PDE4D: variants seen among roughly 807,000 people sequenced by gnomAD.
The protein encoded by PDE4D is 3',5'-cyclic-AMP phosphodiesterase 4D.
A neutral mutation model predicts 87.4 loss-of-function variants in PDE4D; 24 were observed. The observed-to-expected ratio is 0.27, with a 90% confidence interval of 0.20 to 0.39. The LOEUF is 0.39. PDE4D is among the 10% of genes least tolerant of loss of function. PDE4D has a pLI of 1.00. For synonymous variants in PDE4D, 384 were observed against 383.2 expected (o/e 1.00, Z -0.02); for missense variants, 714 against 1,041.0 (o/e 0.69, Z 4.32).
chr5:59,452,617 C>G (rs754922003), intron 1 of PDE4D, among the ~76,000 whole-genome samples: 1 of 152,158 alleles, frequency 6.6e-6, no homozygotes, highest in Non-Finnish European at 1.5e-5. Flanking sequence ...TCTCTTTCTG[C>G]CTCTCCCCAA....
intron 2 of PDE4D, among the ~76,000 whole-genome samples, chr5:60,050,906 G>A (rs1770059350): frequency 6.6e-6 from 1 of 152,094 alleles, no homozygotes; most frequent in South Asian, 2.1e-4. Context: ...TGATAAAACA[G>A]ACTTTAAACC....
chr5:59,484,559 A>G (rs1804784827), intron 1 of PDE4D, among the ~76,000 whole-genome samples: 2 of 152,318 alleles, frequency 1.3e-5, no homozygotes, highest in Non-Finnish European at 2.9e-5. Context: ...TCTAGAACAA[A>G]CAAATGAAGC....
chr5:59,065,360 G>C (rs1763776448), intron 5 of PDE4D, among the ~76,000 whole-genome samples: 1 of 152,042 alleles, frequency 6.6e-6, no homozygotes. Flanking sequence ...GTGGTCAAGG[G>C]TTACAAAGTT....
At chr5:60,187,589 TA>T (rs1237391446) in intron 1 of PDE4D, among the ~76,000 whole-genome samples, 1 of 152,218 alleles carries the variant, frequency 6.6e-6, no homozygotes, top group Non-Finnish European at 1.5e-5. Flanking sequence ...TTTGACCTGA[TA>T]AGCTTTGCTG....
intron 1 of PDE4D, among the ~76,000 whole-genome samples, chr5:59,324,810 A>G (rs945185376): frequency 3.3e-5 from 5 of 152,136 alleles, no homozygotes; most frequent in African/African-American, 1.2e-4. Flanking sequence ...TACAGCTGCA[A>G]GCATTCTCAC....
intron 5 of PDE4D, among the ~76,000 whole-genome samples, chr5:59,066,084 AACC>A (rs1763878507): frequency 6.6e-6 from 1 of 152,186 alleles, no homozygotes; most frequent in African/African-American, 2.4e-5. Context: ...ACTAAAAGAA[AACC>A]TATCAATTCA....
At chr5:60,393,119 A>G (rs1762662909) in intron 1 of PDE4D, among the ~76,000 whole-genome samples, 1 of 152,214 alleles carries the variant, frequency 6.6e-6, no homozygotes, top group Non-Finnish European at 1.5e-5. Flanking sequence ...GGGTCAGTCA[A>G]TGACACACCA....
At chr5:59,752,781 C>T (rs533993900) in intron 1 of PDE4D, among the ~76,000 whole-genome samples, 17 of 152,116 alleles carry the variant, frequency 1.1e-4, no homozygotes, top group Non-Finnish European at 2.4e-4. Context: ...TTGAGCAACC[C>T]TGCTCTAGAT....
At chr5:59,419,258 A>G (rs1471384014) in intron 1 of PDE4D, among the ~76,000 whole-genome samples, 1 of 152,070 alleles carries the variant, frequency 6.6e-6, no homozygotes, top group Non-Finnish European at 1.5e-5. Context: ...TGTAGTTATA[A>G]TTTATTTTTC....
chr5:59,542,925 C>T (rs1816622536), intron 1 of PDE4D, among the ~76,000 whole-genome samples: 1 of 152,258 alleles, frequency 6.6e-6, no homozygotes, highest in East Asian at 1.9e-4. Flanking sequence ...CAAGCCGCCT[C>T]CAAAACAGTA....
chr5:59,157,335 G>T (rs145326116), intron 5 of PDE4D: 1 of 702,548 alleles, frequency 1.4e-6, no homozygotes, highest in South Asian at 1.5e-5. Context: ...GTCAAGTAAC[G>T]TATATGGGTT....
At chr5:59,538,464 T>C (rs962482543) in intron 1 of PDE4D, among the ~76,000 whole-genome samples, 10 of 151,874 alleles carry the variant, frequency 6.6e-5, no homozygotes, top group African/African-American at 2.4e-4. Flanking sequence ...CTTCTAGTTG[T>C]CCCAAGTGTC....
intron 2 of PDE4D, among the ~76,000 whole-genome samples, chr5:60,183,215 C>A (rs1439675119): frequency 6.6e-6 from 1 of 152,132 alleles, no homozygotes; most frequent in Non-Finnish European, 1.5e-5. Flanking sequence ...TCCCAGCCTG[C>A]AGAATTGTGA....
intron 2 of PDE4D, among the ~76,000 whole-genome samples, chr5:60,046,836 G>A (rs1436801551): frequency 1.3e-5 from 2 of 152,062 alleles, no homozygotes; most frequent in Non-Finnish European, 2.9e-5. Context: ...CTCTTTTTTG[G>A]TTGTGTCTCT....
intron 1 of PDE4D, among the ~76,000 whole-genome samples, chr5:59,593,319 CAA>C (rs35227171): frequency 3.2e-4 from 36 of 112,290 alleles, no homozygotes; most frequent in African/African-American, 5.5e-4. Context: ...TAATGGCTCT[CAA>C]AAAAAAAAAA....
chr5:59,587,614 T>C (rs557468118), intron 1 of PDE4D: 1 of 985,376 alleles, frequency 1.0e-6, no homozygotes, highest in African/African-American at 1.7e-5. Context: ...CGTGGTACTG[T>C]ACATTAACTC....
At chr5:59,703,117 G>C (rs1752848912) in intron 1 of PDE4D, among the ~76,000 whole-genome samples, 1 of 152,058 alleles carries the variant, frequency 6.6e-6, no homozygotes, top group Admixed American at 6.5e-5. Flanking sequence ...AGAATGTTTT[G>C]TGAATATGGT....
At chr5:59,498,853 A>G (rs1234996502) in intron 1 of PDE4D, among the ~76,000 whole-genome samples, 1 of 152,110 alleles carries the variant, frequency 6.6e-6, no homozygotes, top group Non-Finnish European at 1.5e-5. Context: ...CACACGAGTG[A>G]AAGCAATAGA....
chr5:59,931,089 A>G (rs1041520262), intron 3 of PDE4D, among the ~76,000 whole-genome samples: 1 of 152,242 alleles, frequency 6.6e-6, no homozygotes, highest in African/African-American at 2.4e-5. Context: ...ACTATTTATG[A>G]ATTAAACAAT....
Sources: gnomAD v4.1 joint callset for allele counts (sites outside exome capture counted in the v4.1 genomes callset) on GRCh38, gnomAD v4.1.1 for gene constraint, MANE v1.5 for transcripts, NCBI Gene and HGNC (gene_info 2026-07-23, HGNC 2026-07-21) for gene names.